Variants in DOK6 observed in about 807,000 individuals in gnomAD.
DOK6 encodes downstream of tyrosine kinase 6.
DOK6 carries 22 observed loss-of-function variants against 44.0 expected under a neutral mutation model. That is an observed-to-expected ratio of 0.50 (90% CI 0.36 to 0.71). DOK6 has a LOEUF of 0.71. DOK6 is among the 30% of genes least tolerant of loss of function. The probability of loss-of-function intolerance (pLI) is 0.00; values close to 1 mark genes in which losing one functional copy is unlikely to be tolerated. For synonymous variants in DOK6, 166 were observed against 145.5 expected, an observed-to-expected ratio of 1.14 and a Z score of -1.01; for missense variants, 340 against 416.4, an observed-to-expected ratio of 0.82 and a Z score of 1.60.
chr18:69,716,253 G>T (rs902074352), intron 5 of DOK6, among the ~76,000 whole-genome samples: 4 of 152,158 alleles, frequency 2.6e-5, no homozygotes, highest in Non-Finnish European at 4.4e-5. Flanking sequence ...GAGGGAATTT[G>T]TAATTTGAGG....
At chr18:69,752,633 A>G (rs1382011823) in intron 6 of DOK6, among the ~76,000 whole-genome samples, 2 of 152,226 alleles carry the variant, frequency 1.3e-5, no homozygotes, top group Non-Finnish European at 2.9e-5. Context: ...AGAGATAGGA[A>G]GAGTAGAGAC....
chr18:69,680,837 T>C (rs1986028739), intron 4 of DOK6, among the ~76,000 whole-genome samples: 1 of 152,214 alleles, frequency 6.6e-6, no homozygotes, highest in Non-Finnish European at 1.5e-5. Context: ...TTAGACAATA[T>C]ACTCACTTAT....
At chr18:69,626,951 AG>A (rs1380073872) in intron 3 of DOK6, among the ~76,000 whole-genome samples, 1 of 151,188 alleles carries the variant, frequency 6.6e-6, no homozygotes, top group African/African-American at 2.5e-5. Context: ...TGGATCTGCA[AG>A]GACTGGTGAG....
intron 5 of DOK6, among the ~76,000 whole-genome samples, chr18:69,713,833 G>T (rs1281012666): frequency 6.6e-6 from 1 of 152,146 alleles, no homozygotes; most frequent in Admixed American, 6.5e-5. Flanking sequence ...CTGCATTGGT[G>T]TTGTGGTATA....
chr18:69,413,700 G>C (rs184161614), intron 1 of DOK6, among the ~76,000 whole-genome samples: 6 of 151,832 alleles, frequency 4.0e-5, no homozygotes, highest in Non-Finnish European at 5.9e-5. Context: ...AGAATTCTTA[G>C]ACTTGACAAC....
intron 5 of DOK6, among the ~76,000 whole-genome samples, chr18:69,701,559 A>G (rs1986521408): frequency 6.6e-6 from 1 of 152,214 alleles, no homozygotes; most frequent in Non-Finnish European, 1.5e-5. Context: ...AAAAATCAAG[A>G]TGAGTGAAAA....
intron 1 of DOK6, among the ~76,000 whole-genome samples, chr18:69,525,574 G>T (rs1981806205): frequency 6.6e-6 from 1 of 151,916 alleles, no homozygotes; most frequent in Non-Finnish European, 1.5e-5. Context: ...CACTTGCCTT[G>T]GTTGAGATAT....
chr18:69,429,663 A>ATATCTC (rs5825937), intron 1 of DOK6, among the ~76,000 whole-genome samples: 1 of 110,206 alleles, frequency 9.1e-6, no homozygotes, highest in Non-Finnish European at 1.9e-5. Flanking sequence ...ATATATATAT[A>ATATCTC]TCTTATTAAT....
intron 2 of DOK6, among the ~76,000 whole-genome samples, chr18:69,570,607 G>T (rs1305646752): frequency 1.3e-5 from 2 of 152,068 alleles, no homozygotes; most frequent in Non-Finnish European, 2.9e-5. Context: ...TTTGAAGCAG[G>T]ATGTTTGGAA....
In DOK6 at chr18:69,722,783, C is replaced by T. The variant is rs73455049; in HGVS notation, c.600-16182C>T. ...CATTTATGTTAATTTAAAATATTAA[C>T]AAATAATCAGCACCAAAATCAAAAA... On this transcript the variant is annotated intron_variant, in intron 5 of 7. Transcript: ENST00000382713. Among the ~76,000 whole-genome samples, 736 of 152,212 alleles carry T rather than the reference C, an allele frequency of 4.8e-3. 4 individuals carry two copies. Among genetic ancestry groups the T allele is most frequent in the African/African-American group, 0.016 (677 of 41,528 alleles).
intron 3 of DOK6, among the ~76,000 whole-genome samples, chr18:69,668,514 T>A (rs1985715632): frequency 6.6e-6 from 1 of 152,208 alleles, no homozygotes; most frequent in Non-Finnish European, 1.5e-5. Flanking sequence ...CATTCAACTA[T>A]TTTTGGAGTG....
chr18:69,626,468 T>C (rs1381937691), intron 3 of DOK6, among the ~76,000 whole-genome samples: 2 of 152,234 alleles, frequency 1.3e-5, no homozygotes, highest in Non-Finnish European at 2.9e-5. Context: ...AAAGTTTTCA[T>C]TCAAGACATT....
At chr18:69,527,369 C>T (rs918395167) in intron 1 of DOK6, among the ~76,000 whole-genome samples, 2 of 152,148 alleles carry the variant, frequency 1.3e-5, no homozygotes, top group Admixed American at 1.3e-4. Context: ...ACAATCATAG[C>T]AGAAGGGGAA....
intron 3 of DOK6, among the ~76,000 whole-genome samples, chr18:69,609,485 A>AAAAATAAATAAATAAAT (rs1984084887): frequency 6.7e-6 from 1 of 150,126 alleles, no homozygotes; most frequent in Non-Finnish European, 1.5e-5. Context: ...GGCTATTACA[A>AAAAATAAATAAATAAAT]GAAATAAATA....
chr18:69,674,351 T>G (rs1985873396), intron 3 of DOK6, among the ~76,000 whole-genome samples: 1 of 152,204 alleles, frequency 6.6e-6, no homozygotes, highest in African/African-American at 2.4e-5. Flanking sequence ...CTGATCTTAT[T>G]GAGCCAAATA....
At chr18:69,488,888 C>T (rs1980658977) in intron 1 of DOK6, among the ~76,000 whole-genome samples, 1 of 152,158 alleles carries the variant, frequency 6.6e-6, no homozygotes, top group Admixed American at 6.5e-5. Context: ...GTCACTGCTA[C>T]CTGTACTACT....
At chr18:69,515,737 T>C (rs1981503052) in intron 1 of DOK6, among the ~76,000 whole-genome samples, 1 of 152,226 alleles carries the variant, frequency 6.6e-6, no homozygotes, top group African/African-American at 2.4e-5. Context: ...GTTGAGTAAC[T>C]ATTTTATGCC....
At chr18:69,651,464 A>T (rs1230391121) in intron 3 of DOK6, among the ~76,000 whole-genome samples, 1 of 146,894 alleles carries the variant, frequency 6.8e-6, no homozygotes, top group Non-Finnish European at 1.5e-5. Flanking sequence ...CCTGCATTGC[A>T]TCATCAGCCC....
intron 1 of DOK6, 143 bp downstream of exon 1, chr18:69,401,453 T>G: frequency 1.3e-4 from 114 of 892,652 alleles, no homozygotes; most frequent in East Asian, 5.2e-4. Context: ...GCTTGTTGCT[T>G]GGCCAGGTGG....
Sources: allele counts gnomAD v4.1 joint callset (sites outside exome capture counted in the v4.1 genomes callset), GRCh38; gene constraint gnomAD v4.1.1; transcripts MANE v1.5; gene names NCBI Gene and HGNC (gene_info 2026-07-23, HGNC 2026-07-21).